Variants in PPP4R3B observed in about 807,000 individuals in gnomAD.
PPP4R3B encodes protein phosphatase 4 regulatory subunit 3B, also known as serine/threonine-protein phosphatase 4 regulatory subunit 3B.
A neutral mutation model predicts 95.4 loss-of-function variants in PPP4R3B; 52 were observed. The ratio of observed to expected loss-of-function variants is 0.54; its 90% CI spans 0.44 to 0.69. The LOEUF is 0.69. Ranked by LOEUF, PPP4R3B falls within the 30% of genes least tolerant of loss-of-function variation. The probability of loss-of-function intolerance (pLI) is 0.00; values close to 1 mark genes in which losing one functional copy is unlikely to be tolerated. For missense variants in PPP4R3B, 1,003 were observed against 1,005.9 expected (o/e 1.00, Z 0.04); for synonymous variants, 407 against 343.9 (o/e 1.18, Z -2.03).
rs775039021 is a variant in PPP4R3B at position 55,588,951 on chromosome 2, A to T, written c.927T>A (p.Asp309Glu). The T allele has an allele frequency of 6.3e-7, 1 of 1,592,186 alleles. No homozygotes were observed. ...CAAAAACTTCAGACAAAAACTTCTCATCTTCCTGCATGAGAAAAATAATTA... is the reference window on the plus strand; with the variant it reads ...CAAAAACTTCAGACAAAAACTTCTCTTCTTCCTGCATGAGAAAAATAATTA... Reference protein sequence around the residue: ...KVEIVSMLQEDEKFLSEVFAQ... With the variant: ...KVEIVSMLQEEEKFLSEVFAQ... Residue 309 changes from aspartate (D) to glutamate (E), a missense_variant, in exon 5 of 17, where the codon GAT (aspartate) becomes GAA (glutamate). Transcript: ENST00000616407.
chr2:55,584,518 C>T (rs2104287415), intron 7 of PPP4R3B, among the ~76,000 whole-genome samples: 1 of 152,196 alleles, frequency 6.6e-6, no homozygotes, highest in East Asian at 1.9e-4. Context: ...TTCCCCAAGT[C>T]CCCAAAGTCC....
chr2:55,581,901 G>T (rs1276155848), intron 7 of PPP4R3B, among the ~76,000 whole-genome samples: 1 of 148,272 alleles, frequency 6.7e-6, no homozygotes, highest in African/African-American at 2.5e-5. Context: ...ATCCCACTCC[G>T]AGAAAAAAAA....
In PPP4R3B at chr2:55,581,571, G is replaced by A. The variant is rs746751937; in HGVS notation, c.1361C>T (p.Thr454Ile). ...LIDPENMLAT[T>I]NKTEKSEFLN... is the part of the protein sequence containing the mutation. ...TATCTCAGAGTAATTTCTTACATTA[G>A]TTGTAGCCAGCATGTTCTCTGGATC... Residue 454 changes from threonine to isoleucine, a missense_variant, in exon 8 of 17, where the codon ACT becomes ATT. By Grantham distance (89) the Thr-to-Ile change is moderately conservative. Coordinates refer to ENST00000616407, the MANE Select transcript of PPP4R3B (RefSeq NM_001122964.3). 34 of 1,610,850 alleles carry A rather than the reference G, an allele frequency of 2.1e-5. No homozygotes were observed. The highest frequency in any genetic ancestry group is 2.8e-5 in the Non-Finnish European group (33 of 1,178,744).
chr2:55,563,849 T>A (rs1044105750), intron 15 of PPP4R3B, among the ~76,000 whole-genome samples: 4 of 152,366 alleles, frequency 2.6e-5, no homozygotes, highest in African/African-American at 9.6e-5. Flanking sequence ...GAAGTTTTAC[T>A]TTTTCACTTC....
intron 15 of PPP4R3B, 56 bp from the exon 16 acceptor site, chr2:55,559,024 A>T: frequency 7.4e-7 from 1 of 1,351,976 alleles, no homozygotes; most frequent in South Asian, 1.3e-5. Context: ...AAGTCAAAAC[A>T]TCTAAAAACA....
At chr2:55,581,465 C>T in intron 8 of PPP4R3B, 102 bp downstream of exon 8, 1 of 1,248,260 alleles carries the variant, frequency 8.0e-7, no homozygotes, top group South Asian at 1.7e-5. Flanking sequence ...ACTTAAATAC[C>T]AACTGGACAA....
At chr2:55,571,671 G>A (rs1688019090) in intron 12 of PPP4R3B, among the ~76,000 whole-genome samples, 1 of 152,138 alleles carries the variant, frequency 6.6e-6, no homozygotes. Context: ...TGTTGCCCAG[G>A]CTAGAGTGCA....
At chr2:55,578,050 A>G (rs1688929097) in intron 10 of PPP4R3B, among the ~76,000 whole-genome samples, 197 bp downstream of exon 10, 1 of 152,158 alleles carries the variant, frequency 6.6e-6, no homozygotes, top group South Asian at 2.1e-4. Flanking sequence ...CTCTATTTCA[A>G]TATGAATTAG....
chr2:55,600,910 G>A (rs1487737830), intron 3 of PPP4R3B, among the ~76,000 whole-genome samples: 3 of 152,146 alleles, frequency 2.0e-5, no homozygotes, highest in African/African-American at 7.2e-5. Flanking sequence ...TGTAATCCCA[G>A]CACTTTGGGA....
rs191353944 is a variant in PPP4R3B at position 55,587,725 on chromosome 2, C to T, written c.1000-991G>A. Among the ~76,000 whole-genome samples, 223 of 152,320 alleles carry T rather than the reference C, an allele frequency of 1.5e-3. 1 individual carries two copies. Among genetic ancestry groups the T allele is most frequent in the African/African-American group, 4.9e-3 (202 of 41,580 alleles). ...ACATAGTTTCACAGAAACCATCCTA[C>T]AACTCAACTCTAGCTGGGTCCCCAG... On this transcript the variant is annotated intron_variant, in intron 5 of 16. Coordinates refer to ENST00000616407, the MANE Select transcript of PPP4R3B (RefSeq NM_001122964.3).
intron 16 of PPP4R3B, among the ~76,000 whole-genome samples, chr2:55,555,242 C>T (rs1277509077): frequency 2.7e-5 from 4 of 146,514 alleles, no homozygotes; most frequent in African/African-American, 5.1e-5. Flanking sequence ...ATTGCGCCAC[C>T]GCACTCCAGC....
At chr2:55,604,203 A>G (rs1023933640) in intron 2 of PPP4R3B, 127 bp from the exon 3 acceptor site, 2 of 529,450 alleles carry the variant, frequency 3.8e-6, no homozygotes, top group Non-Finnish European at 3.2e-6. Context: ...TAATCAATGT[A>G]TATCTGATTG....
At chr2:55,586,473 T>G in intron 6 of PPP4R3B, 145 bp downstream of exon 6, 1 of 510,118 alleles carries the variant, frequency 2.0e-6, no homozygotes. Flanking sequence ...TAAATAAAAA[T>G]CTGAAACTGA....
chr2:55,554,036 G>A (rs142417082), intron 16 of PPP4R3B, among the ~76,000 whole-genome samples: 4 of 152,116 alleles, frequency 2.6e-5, no homozygotes, highest in African/African-American at 7.2e-5. Flanking sequence ...TTGGGGAACC[G>A]CCAGACTGTA....
Position 55,564,502 on chromosome 2 carries a change from A to G in PPP4R3B, c.2076-5T>C, listed in dbSNP as rs1261407697. 1 of 1,580,850 alleles carries G rather than the reference A, an allele frequency of 6.3e-7. No homozygotes were observed. The highest frequency in any genetic ancestry group is 1.9e-5 in the Admixed American group (1 of 51,352). ...CTACGCAATATAGATGGTACACTGT[A>G]AGAAATATATCACAAATATTGAGTA... On this transcript the variant is annotated splice_polypyrimidine_tract_variant and splice_region_variant and intron_variant, in intron 14 of 16. Transcript: ENST00000616407.
chr2:55,569,902 C>T (rs1687786815), intron 12 of PPP4R3B, among the ~76,000 whole-genome samples: 2 of 152,172 alleles, frequency 1.3e-5, no homozygotes, highest in Admixed American at 6.5e-5. Flanking sequence ...AAAGAGGCTC[C>T]TGATGCCAGA....
intron 2 of PPP4R3B, chr2:55,614,642 G>T (rs1265155595): frequency 6.6e-6 from 1 of 152,166 alleles, no homozygotes; most frequent in East Asian, 1.9e-4. Flanking sequence ...CTATGTAGGG[G>T]ATGGAGAATG....
At chr2:55,579,084 C>T (rs1689088756) in intron 9 of PPP4R3B, among the ~76,000 whole-genome samples, 1 of 152,076 alleles carries the variant, frequency 6.6e-6, no homozygotes, top group South Asian at 2.1e-4. Flanking sequence ...AAGGATTCTG[C>T]ACTCAGACTC....
At chr2:55,551,030 ACAC>A (rs970048576) in intron 16 of PPP4R3B, among the ~76,000 whole-genome samples, 10 of 152,160 alleles carry the variant, frequency 6.6e-5, no homozygotes, top group Non-Finnish European at 8.8e-5. Flanking sequence ...AATTCTAATG[ACAC>A]CACGTTTTAT....
Sources: gnomAD v4.1 joint callset for allele counts (sites outside exome capture counted in the v4.1 genomes callset) on GRCh38, gnomAD v4.1.1 for gene constraint, MANE v1.5 for transcripts, NCBI Gene and HGNC (gene_info 2026-07-23, HGNC 2026-07-21) for gene names.